SLC14A2: variants seen among roughly 807,000 people sequenced by gnomAD.
The protein encoded by SLC14A2 is solute carrier family 14 member 2.
In SLC14A2, 91 loss-of-function variants were observed where a neutral mutation model predicts 104.6. The observed-to-expected ratio is 0.87, with a 90% CI of 0.73 to 1.04. SLC14A2 has a LOEUF of 1.04. Among genes scored for constraint, SLC14A2 ranks in the 50% least tolerant of loss-of-function variants. SLC14A2 has a pLI of 0.00. For missense variants in SLC14A2, 1,189 were observed against 1,156.0 expected (o/e 1.03, Z -0.41); for synonymous variants, 476 against 466.4 (o/e 1.02, Z -0.27).
chr18:45,480,164 T>G (rs2087464689), intron 1 of SLC14A2, among the ~76,000 whole-genome samples: 1 of 152,204 alleles, frequency 6.6e-6, no homozygotes. Context: ...TATAATAGGT[T>G]TTGAGAAGTG....
chr18:45,352,108 C>T (rs761466284), intron 1 of SLC14A2, among the ~76,000 whole-genome samples: 2 of 152,000 alleles, frequency 1.3e-5, no homozygotes, highest in African/African-American at 2.4e-5. Context: ...GGGACTGTGG[C>T]GCCTTCAAAC....
At chr18:45,383,555 T>A (rs2543017) in intron 1 of SLC14A2, among the ~76,000 whole-genome samples, 2 of 152,028 alleles carry the variant, frequency 1.3e-5, no homozygotes, top group East Asian at 1.9e-4. Context: ...CTGATAGCCC[T>A]CAACATTTTC....
At chr18:45,666,092 A>G in intron 11 of SLC14A2, 45 bp from the exon 12 acceptor site, 1 of 1,321,582 alleles carries the variant, frequency 7.6e-7, no homozygotes. Flanking sequence ...GAGGTGCCAG[A>G]GTAGAGGTGT....
chr18:45,449,155 T>C (rs1170132813), intron 1 of SLC14A2, among the ~76,000 whole-genome samples: 1 of 152,232 alleles, frequency 6.6e-6, no homozygotes, highest in Admixed American at 6.5e-5. Flanking sequence ...TCATCTGCCC[T>C]GCAGTATATT....
intron 2 of SLC14A2, among the ~76,000 whole-genome samples, chr18:45,534,304 A>C (rs532196130): frequency 9.2e-5 from 14 of 152,162 alleles, no homozygotes; most frequent in Admixed American, 3.3e-4. Context: ...TCTTAGAAAC[A>C]GGGAGCTAGA....
rs1379552533 is a variant in SLC14A2 at position 45,669,281 on chromosome 18, G to A, written c.2037-25G>A. The A allele has an allele frequency of 1.6e-5, 25 of 1,595,552 alleles. 1 individual carries two copies. The highest frequency in any genetic ancestry group is 2.2e-5 in the East Asian group (1 of 44,766). On this transcript the variant is annotated intron_variant, in intron 15 of 19. Coordinates refer to ENST00000255226, the MANE Select transcript of SLC14A2 (RefSeq NM_007163.4). ...TTATGACCAGGCGGCTTCCTGACCAGCATCTCTCATGCTTCTGCCATCAGC... is the reference window on the plus strand; with the variant it reads ...TTATGACCAGGCGGCTTCCTGACCAACATCTCTCATGCTTCTGCCATCAGC...
chr18:45,550,319 G>T (rs1400623599), intron 2 of SLC14A2: 1 of 152,198 alleles, frequency 6.6e-6, no homozygotes, highest in Non-Finnish European at 1.5e-5. Context: ...AACCATGGCT[G>T]CTCCCTGAAC....
chr18:45,486,187 T>C (rs1209046758), intron 2 of SLC14A2, among the ~76,000 whole-genome samples: 3 of 152,158 alleles, frequency 2.0e-5, no homozygotes, highest in African/African-American at 7.2e-5. Context: ...GAGCAGTTAA[T>C]GGCAACTGTA....
At chr18:45,426,347 A>G (rs1219974114) in intron 1 of SLC14A2, among the ~76,000 whole-genome samples, 2 of 151,934 alleles carry the variant, frequency 1.3e-5, no homozygotes, top group African/African-American at 4.8e-5. Flanking sequence ...CGAGTGCGTA[A>G]TCGTGATTTT....
intron 1 of SLC14A2, among the ~76,000 whole-genome samples, chr18:45,384,318 A>G (rs1427212490): frequency 2.0e-5 from 3 of 152,176 alleles, no homozygotes; most frequent in South Asian, 2.1e-4. Flanking sequence ...GAATAGCAGC[A>G]TGGCATTGTG....
Position 45,656,796 on chromosome 18 carries a change from C to A in SLC14A2, c.1352-6989C>A, listed in dbSNP as rs77020503. 1.6e-4 allele frequency among the ~76,000 whole-genome samples: 24 copies of A among 152,170 alleles called. No homozygotes were observed. The East Asian group carries it at 4.6e-3, about 29-fold the overall frequency. On this transcript the variant is annotated intron_variant, in intron 10 of 19. Transcript: ENST00000255226. ...TCCCCATGGAATAAGCCAAAGACAC[C>A]GAAAGAAATGAGATTTAGGCTAGTC...
intron 1 of SLC14A2, among the ~76,000 whole-genome samples, chr18:45,315,847 C>T (rs977249222): frequency 1.3e-5 from 2 of 152,134 alleles, no homozygotes; most frequent in Non-Finnish European, 2.9e-5. Flanking sequence ...AAGAGGTTGG[C>T]GTGGAAAAGG....
chr18:45,355,533 G>A (rs921593284), intron 1 of SLC14A2, among the ~76,000 whole-genome samples: 6 of 125,916 alleles, frequency 4.8e-5, no homozygotes, highest in East Asian at 2.4e-4. Context: ...AGCCGAGATC[G>A]CACCATTGCA....
intron 2 of SLC14A2, among the ~76,000 whole-genome samples, chr18:45,566,705 T>C (rs1217995811): frequency 1.3e-5 from 2 of 152,202 alleles, no homozygotes; most frequent in African/African-American, 2.4e-5. Flanking sequence ...CAGCTCTTGC[T>C]TCTCAATATT....
At chr18:45,594,239 C>T (rs1301238011) in intron 2 of SLC14A2, among the ~76,000 whole-genome samples, 4 of 152,168 alleles carry the variant, frequency 2.6e-5, no homozygotes, top group African/African-American at 9.7e-5. Context: ...TGAGAAGGAC[C>T]ACAAGCACGC....
At chr18:45,441,772 C>G (rs2086685849) in intron 1 of SLC14A2, among the ~76,000 whole-genome samples, 1 of 152,212 alleles carries the variant, frequency 6.6e-6, no homozygotes, top group Admixed American at 6.5e-5. Context: ...GGAATTTGCT[C>G]TCTCAGAAAC....
chr18:45,521,924 G>C (rs1022375096), intron 2 of SLC14A2, among the ~76,000 whole-genome samples: 1 of 152,160 alleles, frequency 6.6e-6, no homozygotes, highest in Non-Finnish European at 1.5e-5. Flanking sequence ...GGCCTATGGG[G>C]TAACTGGCCT....
At chr18:45,189,390 T>A in the SLC14A2 span, among the ~76,000 whole-genome samples, 1 of 152,340 alleles carries the variant, frequency 6.6e-6, no homozygotes, top group Admixed American at 6.5e-5. Flanking sequence ...CACTTGGAAG[T>A]GTCCCTGGCT....
intron 1 of SLC14A2, among the ~76,000 whole-genome samples, chr18:45,215,924 C>T (rs1187579677): frequency 2.6e-5 from 4 of 152,028 alleles, no homozygotes; most frequent in East Asian, 1.9e-4. Context: ...TCCATGTTTT[C>T]TTCTTTTTGT....
Sources: gnomAD v4.1 joint callset for allele counts (sites outside exome capture counted in the v4.1 genomes callset) on GRCh38, gnomAD v4.1.1 for gene constraint, MANE v1.5 for transcripts, NCBI Gene and HGNC (gene_info 2026-07-23, HGNC 2026-07-21) for gene names.